The following ACSL6 variants were observed in gnomAD, a reference collection of about 807,000 sequenced individuals.
ACSL6 encodes the protein long-chain-fatty-acid--CoA ligase 6.
A neutral mutation model predicts 98.2 loss-of-function variants in ACSL6; 47 were observed. The observed-to-expected ratio is 0.48, with a 90% CI of 0.38 to 0.61. The LOEUF (loss-of-function observed/expected upper bound fraction) is 0.61, where lower values mean the gene tolerates loss of function less well. Ranked by LOEUF, ACSL6 falls within the 20% of genes least tolerant of loss-of-function variation. The pLI, the probability that ACSL6 is intolerant of heterozygous loss-of-function variation, is 0.00. For missense variants in ACSL6, 761 were observed against 913.4 expected (o/e 0.83, Z 2.15); for synonymous variants, 362 against 336.9 (o/e 1.07, Z -0.82).
Position 131,990,976 on chromosome 5 carries a change from C to G in ACSL6, c.271-9G>C, listed in dbSNP as rs1420746965. ...CGTGCCCCGCCACTGTCCTACAAGC[C>G]AAGCACCGGCCAGAGAAGTTGGCTG... is the stretch of plus-strand genomic sequence containing the variant. On this transcript the variant is annotated splice_polypyrimidine_tract_variant and intron_variant, in intron 2 of 20. Transcript: ENST00000651883. The G allele has an allele frequency of 1.5e-5, 24 of 1,613,562 alleles. No homozygotes were observed. The East Asian group carries it at 5.3e-4, about 36-fold the overall frequency.
chr5:132,011,896 G>A, upstream of ACSL6: 1 of 1,550,800 alleles, frequency 6.4e-7, no homozygotes, highest in Non-Finnish European at 8.7e-7. This position sits in a 1 kb window ranked among gnomAD's most constrained non-coding sequence, Gnocchi z 5.4. Flanking sequence ...CTCCGGCCCC[G>A]CTCTCCAACG....
chr5:131,990,428 G>A (rs539510688), intron 3 of ACSL6, among the ~76,000 whole-genome samples: 1 of 152,334 alleles, frequency 6.6e-6, no homozygotes, highest in African/African-American at 2.4e-5. Context: ...CATAATTTGT[G>A]TGGTGATCCC....
At chr5:132,002,186 G>T (rs1232028468) in intron 1 of ACSL6, among the ~76,000 whole-genome samples, 1 of 152,204 alleles carries the variant, frequency 6.6e-6, no homozygotes, top group Non-Finnish European at 1.5e-5. Flanking sequence ...CAGGCACAGG[G>T]ACACTCCCTG....
At chr5:131,988,261 G>A (rs775071063) in intron 6 of ACSL6, 35 bp from the exon 7 acceptor site, 138 of 1,609,416 alleles carry the variant, frequency 8.6e-5, no homozygotes, top group Non-Finnish European at 1.2e-4. Flanking sequence ...CAGGCCATGT[G>A]GGCCCAGGTC....
Position 131,988,244 on chromosome 5 carries a change from G to C in ACSL6, c.653-18C>G. 2 of 1,612,904 alleles carry C rather than the reference G, an allele frequency of 1.2e-6. No individual in the cohort carries two copies. Among genetic ancestry groups the C allele is most frequent in the Non-Finnish European group, 8.5e-7 (1 of 1,179,194 alleles). On this transcript the variant is annotated intron_variant, in intron 6 of 20. Coordinates refer to ENST00000651883, the MANE Select transcript of ACSL6 (RefSeq NM_001009185.3). ...GATGTCCGCTGCAGGGGGCCATCAA[G>C]GAGAGTCAGGCCATGTGGGCCCAGG...
chr5:131,975,777 C>T (rs552340652), intron 10 of ACSL6: 14 of 985,470 alleles, frequency 1.4e-5, no homozygotes, highest in Middle Eastern at 1.0e-3. Flanking sequence ...TGTGCCTCCA[C>T]GTGCTCTCCT....
In ACSL6 at chr5:131,985,406, CCTGTCGTGCCG is replaced by C. The variant is rs1417459043; in HGVS notation, c.906_916del (p.Ser302ArgfsTer16). The C allele has an allele frequency of 1.9e-6, 3 of 1,613,952 alleles. No individual in the cohort carries two copies. In the African/African-American group the frequency reaches 4.0e-5, roughly 22 times the overall value. ...CTGGGGATCTGCGTGCCTCTGCTTA[CCTGTCGTGCCG>C]CTTGTGAAACACACAATGGAGAGGT... On this transcript the variant is annotated frameshift_variant and splice_region_variant, in exon 9 of 21. Coordinates refer to ENST00000651883, the MANE Select transcript of ACSL6 (RefSeq NM_001009185.3). LOFTEE classifies it high-confidence loss of function.
chr5:131,973,915 G>A (rs1198364830), intron 11 of ACSL6: 1 of 153,252 alleles, frequency 6.5e-6, no homozygotes, highest in Non-Finnish European at 1.5e-5. Flanking sequence ...GTTCCTAATG[G>A]GACTAGGAGT....
chr5:132,011,985 C>A, upstream of ACSL6: 1 of 1,504,764 alleles, frequency 6.6e-7, no homozygotes, highest in Non-Finnish European at 8.9e-7. The surrounding 1 kb of genome is among the most constrained non-coding windows in gnomAD (Gnocchi z 5.4). Context: ...ATTGAGCCCA[C>A]CCCGCCGCCA....
At chr5:131,996,687 G>C (rs2126928660) in intron 1 of ACSL6, among the ~76,000 whole-genome samples, 1 of 152,332 alleles carries the variant, frequency 6.6e-6, no homozygotes, top group South Asian at 2.1e-4. Context: ...TGCAATGCTA[G>C]AGTTTTTACA....
At chr5:132,010,475 C>T (rs1755653668) in intron 1 of ACSL6, among the ~76,000 whole-genome samples, 2 of 152,224 alleles carry the variant, frequency 1.3e-5, no homozygotes, top group African/African-American at 4.8e-5. Flanking sequence ...ATAACACGTA[C>T]AAAGCCTCAG....
At position 131,986,406 on chromosome 5, in the gene ACSL6, C is replaced by G. The variant is rs1057186278; in HGVS notation, c.864+416G>C. ...CCCAGGAAGTATCACATGGGGATGA[C>G]GCACAGAACAGTTCACAAAGCAAAG... On this transcript the variant is annotated intron_variant, in intron 8 of 20. Transcript: ENST00000651883. Among the ~76,000 whole-genome samples the G allele has an allele frequency of 6.6e-5, 10 of 152,172 alleles. No individual in the cohort carries two copies. In the South Asian group the frequency reaches 2.1e-3, roughly 32 times the overall value.
chr5:131,989,343 T>A (rs1754377219), intron 5 of ACSL6, 64 bp downstream of exon 5: 10 of 1,469,612 alleles, frequency 6.8e-6, no homozygotes, highest in Non-Finnish European at 8.5e-6. Flanking sequence ...AAAGCAGGAC[T>A]ATTCCATGGC....
chr5:131,992,053 T>C (rs760347829), intron 2 of ACSL6, among the ~76,000 whole-genome samples: 6 of 152,142 alleles, frequency 3.9e-5, no homozygotes, highest in Non-Finnish European at 8.8e-5. Context: ...ACACTGGGCA[T>C]GTGTGTTATC....
intron 1 of ACSL6, among the ~76,000 whole-genome samples, chr5:132,002,242 G>A (rs954798069): frequency 4.6e-5 from 7 of 152,186 alleles, no homozygotes; most frequent in African/African-American, 9.7e-5. Context: ...GCTGTAACAC[G>A]ATCCTTTGCC....
At chr5:131,994,711 G>A in intron 1 of ACSL6, 1 of 177,604 alleles carries the variant, frequency 5.6e-6, no homozygotes, top group Non-Finnish European at 1.2e-5. Flanking sequence ...GTGAAGGAAT[G>A]CAGGCTCCTC....
rs566889219 is a variant in ACSL6 at position 131,990,871 on chromosome 5, G to A, written c.367C>T (p.Arg123Cys). The change falls in exon 3 of 21, where the codon CGT becomes TGT. Residue 123 changes from arginine to cysteine, a missense_variant. Arg to Cys is a radical substitution (Grantham distance 180). Transcript: ENST00000651883. ...DARTMYQVFR[R>C]GLSISGNGPC... is the part of the protein sequence containing the mutation. ...TTCTCACCTGAGATGCTAAGCCCACGGCGGAACACCTGGTACATGGTCCGG... is the reference window on the plus strand; with the variant it reads ...TTCTCACCTGAGATGCTAAGCCCACAGCGGAACACCTGGTACATGGTCCGG... 9 of 1,612,422 alleles carry A rather than the reference G, an allele frequency of 5.6e-6. No individual in the cohort carries two copies. Among genetic ancestry groups the A allele is most frequent in the Non-Finnish European group, 6.8e-6 (8 of 1,179,538 alleles).
In ACSL6 at chr5:131,973,320, T is replaced by C. The variant is rs376285802; in HGVS notation, c.1149A>G (p.Leu383=). The C allele has an allele frequency of 8.1e-6, 13 of 1,614,030 alleles. No homozygotes were observed. Among genetic ancestry groups the C allele is most frequent in the African/African-American group, 6.7e-5 (5 of 74,916 alleles). The stretch of plus-strand genomic sequence containing the variant: ...GGACCACAGGGAAGATGGTGGGGCA[T>C]AGAGCCTTCATGTCATCTGAGAGAA... ...IRLLSDDMKA[L]CPTIFPVVPR... is the part of the protein sequence containing the mutation. Residue 383 remains leucine (L), a synonymous_variant, in exon 12 of 21, where the codon CTA becomes CTG. Transcript: ENST00000651883.
chr5:131,995,266 C>T (rs142804727), intron 1 of ACSL6, among the ~76,000 whole-genome samples: 56 of 152,284 alleles, frequency 3.7e-4, no homozygotes, highest in African/African-American at 1.3e-3. Context: ...ATCCTCCTCT[C>T]GGCCACTAAG....
Sources: gnomAD v4.1 joint callset for allele counts (sites outside exome capture counted in the v4.1 genomes callset) on GRCh38, gnomAD v4.1.1 for gene constraint, Gnocchi (gnomAD v3.1) non-coding constraint, MANE v1.5 for transcripts, NCBI Gene and HGNC (gene_info 2026-07-23, HGNC 2026-07-21) for gene names.